Variants in TERB1 observed in about 807,000 individuals in gnomAD.
The protein encoded by TERB1 is telomere repeat binding bouquet formation protein 1, also known as telomere repeats-binding bouquet formation protein 1.
Under a neutral mutation model 92.3 loss-of-function variants are expected in TERB1, and 63 were observed. The ratio of observed to expected loss-of-function variants is 0.68; its 90% confidence interval spans 0.56 to 0.84. TERB1 has a LOEUF of 0.84. TERB1 is among the 40% of genes least tolerant of loss of function. TERB1 has a pLI of 0.00. For missense variants in TERB1, 709 were observed against 843.7 expected (o/e 0.84, Z 1.98); for synonymous variants, 252 against 283.9 (o/e 0.89, Z 1.13).
At position 66,783,689 on chromosome 16, in the gene TERB1, A is replaced by ATTT. The variant is rs1356034126; in HGVS notation, c.700+2094_700+2096dup. ...GCCAATGTAACCATTAAGGCCTGGAATTTCCTAAGCTAAGGTTTTGTTTTG... is the reference window on the plus strand; with the variant it reads ...GCCAATGTAACCATTAAGGCCTGGAATTTTTTCCTAAGCTAAGGTTTTGTTTTG... On this transcript the variant is annotated intron_variant, in intron 9 of 18. Coordinates refer to ENST00000433154, the MANE Select transcript of TERB1 (RefSeq NM_001136505.2). 1.1e-4 allele frequency among the ~76,000 whole-genome samples: 17 copies of ATTT among 152,232 alleles called. No individual in the cohort carries two copies. In the South Asian group the frequency reaches 1.2e-3, roughly 11 times the overall value.
At chr16:66,787,283 CTTTTTTTT>C (rs58213946) in intron 6 of TERB1, among the ~76,000 whole-genome samples, 1 of 137,892 alleles carries the variant, frequency 7.3e-6, no homozygotes, top group Non-Finnish European at 1.6e-5. Flanking sequence ...TTTTCTTTTT[CTTTTTTTT>C]TTTTTTTTAT....
intron 9 of TERB1, among the ~76,000 whole-genome samples, chr16:66,785,404 G>A (rs1170339439): frequency 2.0e-5 from 3 of 151,862 alleles, no homozygotes; most frequent in Non-Finnish European, 4.4e-5. Context: ...TATGATTTAT[G>A]CATTGACTCA....
chr16:66,792,877 A>T (rs1548536), intron 3 of TERB1, among the ~76,000 whole-genome samples: 77,013 of 151,954 alleles, frequency 0.51, 20,398 homozygotes, highest in African/African-American at 0.64. Flanking sequence ...TTTTTAGAAG[A>T]TATATCCAGA....
intron 2 of TERB1, among the ~76,000 whole-genome samples, chr16:66,799,154 T>G (rs1036806954): frequency 1.3e-5 from 2 of 152,252 alleles, no homozygotes; most frequent in Admixed American, 6.5e-5. Context: ...TGGACAACCT[T>G]AAGGACTATT....
chr16:66,757,572 A>G (rs1157247044), intron 18 of TERB1, among the ~76,000 whole-genome samples: 1 of 152,240 alleles, frequency 6.6e-6, no homozygotes, highest in Non-Finnish European at 1.5e-5. Context: ...ATACTTAATT[A>G]TAATTTGCAT....
rs2018782152 is a variant in TERB1 at position 66,789,299 on chromosome 16, AT to A, written c.272-1003del. Among the ~76,000 whole-genome samples, 2 of 146,414 alleles carry A rather than the reference AT, an allele frequency of 1.4e-5. 1 individual carries two copies. The highest frequency in any genetic ancestry group is 4.0e-4 in the East Asian group (2 of 5,010). On this transcript the variant is annotated intron_variant, in intron 5 of 18. Transcript: ENST00000433154. ...AAAATTAAAAATAAATTAAAAAAAAATTCGGCCGGGCGCGGTGGCTCACGCC... is the reference window on the plus strand; with the variant it reads ...AAAATTAAAAATAAATTAAAAAAAAATCGGCCGGGCGCGGTGGCTCACGCC...
At chr16:66,780,944 A>G (rs990462029) in intron 9 of TERB1, among the ~76,000 whole-genome samples, 4 of 148,080 alleles carry the variant, frequency 2.7e-5, no homozygotes, top group Non-Finnish European at 5.9e-5. Context: ...GTTGTTCCAC[A>G]TCCTTGCCAA....
At chr16:66,777,437 T>C in intron 10 of TERB1, 103 bp from the exon 11 acceptor site, 1 of 626,730 alleles carries the variant, frequency 1.6e-6, no homozygotes. Flanking sequence ...ATGTTATATA[T>C]CTATATAAAA....
intron 18 of TERB1, among the ~76,000 whole-genome samples, chr16:66,756,721 A>C (rs1597004891): frequency 1.3e-5 from 2 of 152,144 alleles, no homozygotes. Context: ...TGTGGCTGCC[A>C]TCTCCCTGAC....
At chr16:66,798,956 T>C (rs1345916279) in intron 2 of TERB1, among the ~76,000 whole-genome samples, 1 of 152,166 alleles carries the variant, frequency 6.6e-6, no homozygotes, top group Non-Finnish European at 1.5e-5. Context: ...GTGCTAGAGT[T>C]AAAATGGGAG....
chr16:66,778,092 C>T (rs879107022), intron 10 of TERB1, among the ~76,000 whole-genome samples: 2 of 152,108 alleles, frequency 1.3e-5, no homozygotes, highest in African/African-American at 2.4e-5. Context: ...TCAGTGTTTG[C>T]GCATGTGAGA....
chr16:66,782,508 C>T (rs2018653532), intron 9 of TERB1, among the ~76,000 whole-genome samples: 1 of 150,886 alleles, frequency 6.6e-6, no homozygotes, highest in African/African-American at 2.4e-5. Flanking sequence ...CGAGACTGTA[C>T]CATGCACGCC....
intron 3 of TERB1, among the ~76,000 whole-genome samples, chr16:66,793,999 C>T (rs1442670214): frequency 1.3e-5 from 2 of 152,118 alleles, no homozygotes; most frequent in Non-Finnish European, 2.9e-5. Context: ...CTATGGATAC[C>T]AATAAGCCAC....
rs569617023 is a variant in TERB1 at position 66,754,736 on chromosome 16, T to C, written c.*240A>G. 5 of 459,684 alleles carry C rather than the reference T, an allele frequency of 1.1e-5. No individual in the cohort carries two copies. The East Asian group carries it at 1.9e-4, about 17-fold the overall frequency. 28.5% of individuals were successfully genotyped at this position (459,684 alleles called of 1,614,324 possible). A position where few individuals can be genotyped will look rare whatever the true frequency, so the allele number is the denominator to read the frequency against. On this transcript the variant is annotated 3_prime_UTR_variant, in exon 19 of 19. Coordinates refer to ENST00000433154, the MANE Select transcript of TERB1 (RefSeq NM_001136505.2). The stretch of plus-strand genomic sequence containing the variant: ...AAGCTTAAGGAAAAATAAAAGCATA[T>C]TCCTAAACAAATGTTTGATCTTATG...
chr16:66,796,812 C>CT lies in TERB1; in HGVS notation c.-15dup. The CT allele has an allele frequency of 6.6e-7, 1 of 1,508,380 alleles. No individual in the cohort carries two copies. The highest frequency in any genetic ancestry group is 9.0e-7 in the Non-Finnish European group (1 of 1,108,994). 93.4% of individuals were successfully genotyped at this position (1,508,380 alleles called of 1,614,324 possible). ...TTCACTTTCCATGCTTGTCTATATTCTTTTTCCTTATATTTTGTCTATAAG... is the reference window on the plus strand; with the variant it reads ...TTCACTTTCCATGCTTGTCTATATTCTTTTTTCCTTATATTTTGTCTATAAG... On this transcript the variant is annotated 5_prime_UTR_variant, in exon 3 of 19. Transcript: ENST00000433154.
At chr16:66,767,049 A>G (rs1003201010) in intron 16 of TERB1, among the ~76,000 whole-genome samples, 1 of 152,118 alleles carries the variant, frequency 6.6e-6, no homozygotes, top group Non-Finnish European at 1.5e-5. Flanking sequence ...GTTAATTACA[A>G]TAAGCGTGGT....
Position 66,755,292 on chromosome 16 carries a change from T to C in TERB1, c.1997-129A>G. ...ACTACAGAGTGAGAAATGCCAGGGC[T>C]TCTCATCATGTGGAAACCCACTTCA... On this transcript the variant is annotated intron_variant, in intron 18 of 18. Transcript: ENST00000433154. The C allele has an allele frequency of 4.7e-6, 3 of 636,880 alleles. No homozygotes were observed. The South Asian group carries it at 6.7e-5, about 14-fold the overall frequency. The allele number at this position is 636,880 out of a possible 1,614,324, so 39.5% of individuals were successfully genotyped here. A position where few individuals can be genotyped will look rare whatever the true frequency, so the allele number is the denominator to read the frequency against.
At chr16:66,764,283 G>A (rs1983223) in intron 16 of TERB1, among the ~76,000 whole-genome samples, 8,902 of 152,286 alleles carry the variant, frequency 0.058, 374 homozygotes, top group Middle Eastern at 0.099. Context: ...GGTAAAATTA[G>A]CAGGGTTTGA....
intron 14 of TERB1, 32 bp from the exon 15 acceptor site, chr16:66,768,200 G>C (rs2018383099): frequency 6.8e-7 from 1 of 1,465,450 alleles, no homozygotes; most frequent in Non-Finnish European, 9.3e-7. Flanking sequence ...ATTACTAAAA[G>C]TAAACATACT....
Sources: gnomAD v4.1 joint callset for allele counts (sites outside exome capture counted in the v4.1 genomes callset) on GRCh38, gnomAD v4.1.1 for gene constraint, MANE v1.5 for transcripts, NCBI Gene and HGNC (gene_info 2026-07-23, HGNC 2026-07-21) for gene names.